Variants in KIAA0319 observed in about 807,000 individuals in gnomAD.
KIAA0319 encodes dyslexia-associated protein KIAA0319.
A neutral mutation model predicts 108.4 loss-of-function variants in KIAA0319; 83 were observed. The ratio of observed to expected loss-of-function variants is 0.77; its 90% confidence interval spans 0.64 to 0.92. The LOEUF is 0.92. Ranked by LOEUF, KIAA0319 falls within the 40% of genes least tolerant of loss-of-function variation. The pLI is 0.00. For synonymous variants in KIAA0319, 484 were observed against 510.4 expected (o/e 0.95, Z 0.70); for missense variants, 1,195 against 1,322.4 (o/e 0.90, Z 1.49).
intron 1 of KIAA0319, among the ~76,000 whole-genome samples, chr6:24,626,531 CA>C (rs950154174): frequency 4.0e-5 from 6 of 148,810 alleles, no homozygotes; most frequent in African/African-American, 1.2e-4. Flanking sequence ...GACTCGCTCT[CA>C]AAAAAAAAGG....
chr6:24,560,755 C>G (rs377396412), intron 16 of KIAA0319, among the ~76,000 whole-genome samples: 23 of 152,192 alleles, frequency 1.5e-4, no homozygotes, highest in African/African-American at 4.8e-4. Context: ...CTCTTGTCCT[C>G]TTCTTAGAAG....
chr6:24,552,422 T>G (rs757315991), intron 19 of KIAA0319, among the ~76,000 whole-genome samples: 3 of 152,172 alleles, frequency 2.0e-5, no homozygotes, highest in Non-Finnish European at 2.9e-5. Flanking sequence ...GATAGACATG[T>G]CACAAAGCTG....
chr6:24,620,868 C>T (rs1773838789), intron 1 of KIAA0319, among the ~76,000 whole-genome samples: 1 of 152,184 alleles, frequency 6.6e-6, no homozygotes, highest in African/African-American at 2.4e-5. Context: ...GAGCTTTTAA[C>T]ATATGAATTT....
At position 24,588,672 on chromosome 6, in the gene KIAA0319, T is replaced by C; in HGVS notation, c.915A>G (p.Pro305=). Residue 305 remains proline, a synonymous_variant, in exon 4 of 21, where the codon CCA becomes CCG. Coordinates refer to ENST00000378214, the MANE Select transcript of KIAA0319 (RefSeq NM_014809.4). ...AGGGGGCTGCGCTAGTGGGAGGTGT[T>C]GGGATGCTGTGCTCTGTACTCCCCG... The part of the protein sequence containing the change: ...VTPGSTEHSI[P]TPPTSAAPSE... The C allele has an allele frequency of 6.2e-7, 1 of 1,614,032 alleles. No homozygotes were observed.
intron 11 of KIAA0319, among the ~76,000 whole-genome samples, chr6:24,570,381 G>C (rs899507622): frequency 6.6e-6 from 1 of 152,126 alleles, no homozygotes; most frequent in Non-Finnish European, 1.5e-5. Flanking sequence ...GAGGTCAGGA[G>C]ATCAAGACCA....
chr6:24,639,332 T>C (rs903704909), intron 1 of KIAA0319, among the ~76,000 whole-genome samples: 1 of 152,138 alleles, frequency 6.6e-6, no homozygotes, highest in African/African-American at 2.4e-5. Context: ...AATATTTTCA[T>C]TGGTAAGAAT....
intron 1 of KIAA0319, among the ~76,000 whole-genome samples, chr6:24,604,985 C>T (rs953966931): frequency 2.0e-5 from 3 of 152,072 alleles, no homozygotes; most frequent in African/African-American, 7.2e-5. Context: ...GGATTACAGG[C>T]GCCAACCACC....
At chr6:24,628,231 A>T (rs1318242681) in intron 1 of KIAA0319, among the ~76,000 whole-genome samples, 1 of 152,244 alleles carries the variant, frequency 6.6e-6, no homozygotes, top group Non-Finnish European at 1.5e-5. Flanking sequence ...TAGAGTAAGT[A>T]CTGGTTAGAA....
intron 1 of KIAA0319, among the ~76,000 whole-genome samples, chr6:24,605,628 ATGT>A (rs1771286847): frequency 6.6e-6 from 1 of 152,216 alleles, no homozygotes; most frequent in African/African-American, 2.4e-5. Context: ...CAAGTTCAAA[ATGT>A]TATAAATAGT....
At chr6:24,568,665 T>C (rs1764237269) in intron 13 of KIAA0319, 116 bp downstream of exon 13, 2 of 1,067,946 alleles carry the variant, frequency 1.9e-6, no homozygotes, top group Non-Finnish European at 2.7e-6. Flanking sequence ...GGGTTCGGCA[T>C]CTGCTGCGAA....
Position 24,637,031 on chromosome 6 carries a change from T to C in KIAA0319, c.-106+8705A>G, listed in dbSNP as rs550711322. Among the ~76,000 whole-genome samples, 63 of 152,324 alleles carry C rather than the reference T, an allele frequency of 4.1e-4. 2 individuals are homozygous for C. Among genetic ancestry groups the C allele is most frequent in the Admixed American group, 1.0e-3 (16 of 15,302 alleles). ...GCTTTCAATGGAAATTTTAAACAAG[T>C]AGGATCAACTTCCTGAAGCATTTCT... On this transcript the variant is annotated intron_variant, in intron 1 of 20. Transcript: ENST00000378214.
chr6:24,576,398 A>G lies in KIAA0319; in HGVS notation c.1704T>C (p.Pro568=). ...TGACCACATGTTTGCCCTCACTCCC[A>G]GGACCCAGGGACCACTCATAGAGGA... ...QIVLYEWSLG[P]GSEGKHVVMQ... Residue 568 remains proline (P), a synonymous_variant, in exon 10 of 21, where the codon CCT becomes CCC. Coordinates refer to ENST00000378214, the MANE Select transcript of KIAA0319 (RefSeq NM_014809.4). The G allele has an allele frequency of 6.2e-7, 1 of 1,614,106 alleles. No homozygotes were observed. The highest frequency in any genetic ancestry group is 1.1e-5 in the South Asian group (1 of 91,078).
At chr6:24,553,807 C>A (rs956704833) in intron 19 of KIAA0319, among the ~76,000 whole-genome samples, 2 of 152,232 alleles carry the variant, frequency 1.3e-5, no homozygotes, top group African/African-American at 4.8e-5. Context: ...TCTGGACAGC[C>A]AAACATGTGG....
At chr6:24,581,462 G>C (rs1766531035) in intron 6 of KIAA0319, among the ~76,000 whole-genome samples, 1 of 152,094 alleles carries the variant, frequency 6.6e-6, no homozygotes, top group South Asian at 2.1e-4. Flanking sequence ...CATCTGGTAG[G>C]AGACTAGATC....
intron 14 of KIAA0319, among the ~76,000 whole-genome samples, chr6:24,566,228 T>G (rs1003306611): frequency 6.6e-6 from 1 of 152,090 alleles, no homozygotes; most frequent in Admixed American, 6.5e-5. Flanking sequence ...TATCTAGAAA[T>G]AGGACCTATA....
chr6:24,592,005 ATGT>A (rs1403458539), intron 3 of KIAA0319, among the ~76,000 whole-genome samples: 2 of 152,114 alleles, frequency 1.3e-5, no homozygotes, highest in African/African-American at 2.4e-5. Context: ...TACTCTTTTG[ATGT>A]TGTCATCTGA....
At chr6:24,631,843 G>A (rs562650130) in intron 1 of KIAA0319, among the ~76,000 whole-genome samples, 104 of 152,318 alleles carry the variant, frequency 6.8e-4, no homozygotes, top group Non-Finnish European at 1.2e-3. Flanking sequence ...AGACACCCCC[G>A]CCAACGACTA....
chr6:24,610,226 T>C (rs1772095007), intron 1 of KIAA0319, among the ~76,000 whole-genome samples: 1 of 152,106 alleles, frequency 6.6e-6, no homozygotes, highest in African/African-American at 2.4e-5. Flanking sequence ...CAAATAAGTA[T>C]TATAATTCAA....
chr6:24,566,986 G>A (rs1763984364), intron 13 of KIAA0319, among the ~76,000 whole-genome samples: 1 of 152,142 alleles, frequency 6.6e-6, no homozygotes, highest in Non-Finnish European at 1.5e-5. Context: ...GTGGCAAGCT[G>A]TACCTTGGGA....
Sources: gnomAD v4.1 joint callset for allele counts (sites outside exome capture counted in the v4.1 genomes callset) on GRCh38, gnomAD v4.1.1 for gene constraint, MANE v1.5 for transcripts, NCBI Gene and HGNC (gene_info 2026-07-23, HGNC 2026-07-21) for gene names.